BPTF: variants seen among roughly 807,000 people sequenced by gnomAD.
The protein encoded by BPTF is nucleosome-remodeling factor subunit BPTF.
A neutral mutation model predicts 292.5 loss-of-function variants in BPTF; 18 were observed. That is an observed-to-expected ratio of 0.06 (90% CI 0.04 to 0.09). The LOEUF (loss-of-function observed/expected upper bound fraction) is 0.09. Ranked by LOEUF, BPTF falls within the 10% of genes least tolerant of loss-of-function variation. BPTF has a pLI of 1.00. For missense variants in BPTF, 2,726 were observed against 3,498.7 expected (o/e 0.78, Z 5.57); for synonymous variants, 1,225 against 1,251.9 (o/e 0.98, Z 0.45).
At chr17:67,971,277 C>G (rs558281123) in intron 26 of BPTF, among the ~76,000 whole-genome samples, 1 of 152,136 alleles carries the variant, frequency 6.6e-6, no homozygotes, top group East Asian at 2.0e-4. Flanking sequence ...CAGGGTTTCA[C>G]CATGTTGGCC....
Position 67,931,937 on chromosome 17 carries a change from T to C in BPTF, c.6177T>C (p.Pro2059=). ...TAATCACAGGGCCTCAGATTCGCCC[T>C]GGTATGACCGTGATTAGAACACCAC... ...SQVITGPQIR[P]GMTVIRTPLQ... Residue 2059 remains proline, a synonymous_variant, in exon 18 of 28, where the codon CCT becomes CCC. Transcript: ENST00000306378. 2.5e-6 allele frequency: 4 copies of C among 1,613,908 alleles called. No individual in the cohort carries two copies. Among genetic ancestry groups the C allele is most frequent in the Non-Finnish European group, 3.4e-6 (4 of 1,179,938 alleles).
intron 4 of BPTF, among the ~76,000 whole-genome samples, chr17:67,887,621 C>G (rs1374071250): frequency 6.6e-6 from 1 of 152,018 alleles, no homozygotes; most frequent in Non-Finnish European, 1.5e-5. Context: ...TTAATTAGGA[C>G]TTTTTCAATT....
chr17:67,920,947 C>T (rs1016989386), intron 13 of BPTF, among the ~76,000 whole-genome samples: 1 of 151,932 alleles, frequency 6.6e-6, no homozygotes, highest in Non-Finnish European at 1.5e-5. Flanking sequence ...TGGCTCACAC[C>T]TGTAATTCCA....
intron 1 of BPTF, among the ~76,000 whole-genome samples, chr17:67,846,012 C>T (rs1223108874): frequency 6.6e-6 from 1 of 151,934 alleles, no homozygotes. Flanking sequence ...TTTTTCGAAG[C>T]CAAAATTTTT....
In BPTF at chr17:67,837,356, A is replaced by G. The variant is rs2057211501; in HGVS notation, c.613+11019A>G. The stretch of plus-strand genomic sequence containing the variant: ...TGTGTACCATTTAAAAGTCTGGACC[A>G]GATTATACTCTCAACATCTGTTTTT... On this transcript the variant is annotated intron_variant, in intron 1 of 27. Coordinates refer to ENST00000306378, the MANE Select transcript of BPTF (RefSeq NM_182641.4). 2.0e-5 allele frequency among the ~76,000 whole-genome samples: 3 copies of G among 151,878 alleles called. No homozygotes were observed. The South Asian group carries it at 6.2e-4, about 32-fold the overall frequency.
chr17:67,944,624 T>C (rs1555673573), intron 20 of BPTF: 5 of 518,040 alleles, frequency 9.7e-6, no homozygotes, highest in Middle Eastern at 5.3e-4. Context: ...ATAATGGTTA[T>C]CTTGGTAACT....
intron 9 of BPTF, among the ~76,000 whole-genome samples, chr17:67,907,479 C>G (rs979008738): frequency 1.3e-5 from 2 of 151,808 alleles, no homozygotes; most frequent in African/African-American, 4.8e-5. Context: ...CCTCAGCCTC[C>G]CAAATAGCTG....
At chr17:67,879,245 G>A (rs1251112706) in intron 4 of BPTF, among the ~76,000 whole-genome samples, 3 of 150,082 alleles carry the variant, frequency 2.0e-5, no homozygotes, top group Non-Finnish European at 4.4e-5. Flanking sequence ...TGTTTCAAGC[G>A]ATTCTCCTGC....
chr17:67,974,301 CA>C (rs1555692665), intron 26 of BPTF: 1 of 144,268 alleles, frequency 6.9e-6, no homozygotes, highest in Non-Finnish European at 1.5e-5. Context: ...AAAAAAAAAA[CA>C]AACTTGTTTT....
intron 24 of BPTF, among the ~76,000 whole-genome samples, chr17:67,962,991 T>A (rs2067664693): frequency 6.6e-6 from 1 of 152,198 alleles, no homozygotes; most frequent in Non-Finnish European, 1.5e-5. Context: ...TTGGCTTTGG[T>A]TTTTGTGCCT....
chr17:67,925,665 ATATATC>A (rs1168061871), intron 15 of BPTF, among the ~76,000 whole-genome samples: 1 of 152,212 alleles, frequency 6.6e-6, no homozygotes, highest in Non-Finnish European at 1.5e-5. Context: ...AAGTGAGTAG[ATATATC>A]TATATACAGT....
intron 1 of BPTF, among the ~76,000 whole-genome samples, chr17:67,830,827 G>A (rs12325877): frequency 0.11 from 17,232 of 152,232 alleles, 1,315 homozygotes; most frequent in Middle Eastern, 0.17. Flanking sequence ...CTGTAGAATA[G>A]GGATTGGGCT....
chr17:67,925,986 A>C (rs1281674929), intron 15 of BPTF, among the ~76,000 whole-genome samples: 3 of 127,886 alleles, frequency 2.3e-5, no homozygotes, highest in African/African-American at 8.3e-5. Flanking sequence ...GTAACCTAAC[A>C]TATTACTTTT....
intron 7 of BPTF, among the ~76,000 whole-genome samples, chr17:67,902,918 T>C (rs1477829657): frequency 2.6e-5 from 4 of 152,208 alleles, no homozygotes; most frequent in Non-Finnish European, 5.9e-5. Context: ...AGAGCTCCTT[T>C]CTTTGTAGGT....
rs984965017 is a variant in BPTF at position 67,910,991 on chromosome 17, T to C, written c.3107T>C (p.Val1036Ala). The C allele has an allele frequency of 6.2e-7, 1 of 1,613,982 alleles. No homozygotes were observed. The highest frequency in any genetic ancestry group is 8.5e-7 in the Non-Finnish European group (1 of 1,179,944). The part of the protein sequence containing the change: ...SHVNCQESSQ[V>A]DVVNVSEGFH... ...GTAAATTGTCAGGAGAGTTCTCAAGTAGATGTGGTCAATGTTAGTGAGGGT... is the reference window on the plus strand; with the variant it reads ...GTAAATTGTCAGGAGAGTTCTCAAGCAGATGTGGTCAATGTTAGTGAGGGT... Residue 1036 changes from valine to alanine, a missense_variant, in exon 11 of 28, where the codon GTA (valine) becomes GCA (alanine). Physicochemically the swap from Val to Ala is moderately conservative, Grantham distance 64. This residue lies in a region of BPTF where 713 missense variants were observed against 714.9 expected (regional missense o/e 1.00). Coordinates refer to ENST00000306378, the MANE Select transcript of BPTF (RefSeq NM_182641.4).
chr17:67,870,856 G>A (rs901656821), intron 3 of BPTF, among the ~76,000 whole-genome samples: 10 of 127,194 alleles, frequency 7.9e-5, no homozygotes, highest in Admixed American at 2.0e-4. Context: ...TGCAAGCTCC[G>A]CCTCCCGGGT....
intron 2 of BPTF, among the ~76,000 whole-genome samples, chr17:67,865,173 C>T (rs1211782273): frequency 6.6e-6 from 1 of 152,176 alleles, no homozygotes; most frequent in Non-Finnish European, 1.5e-5. Context: ...GGCATGTTGG[C>T]ACTCAAAAAC....
chr17:67,841,358 G>A (rs1408025203), intron 1 of BPTF, among the ~76,000 whole-genome samples: 2 of 152,084 alleles, frequency 1.3e-5, no homozygotes, highest in Non-Finnish European at 2.9e-5. Context: ...GCAGTGAGTC[G>A]AGATTGCGCC....
intron 4 of BPTF, among the ~76,000 whole-genome samples, chr17:67,882,431 A>G (rs2060482517): frequency 6.6e-6 from 1 of 152,168 alleles, no homozygotes; most frequent in Non-Finnish European, 1.5e-5. Flanking sequence ...CTTTGTTTAC[A>G]TTTGTATATC....
Sources: allele counts gnomAD v4.1 joint callset (sites outside exome capture counted in the v4.1 genomes callset), GRCh38; gene constraint gnomAD v4.1.1; regional missense constraint gnomAD v4.1.1; transcripts MANE v1.5; gene names NCBI Gene and HGNC (gene_info 2026-07-23, HGNC 2026-07-21).